PCDHGA11: variants seen among roughly 807,000 people sequenced by gnomAD.
PCDHGA11 encodes protocadherin gamma-A11.
In PCDHGA11, 39 loss-of-function variants were observed where a neutral mutation model predicts 60.4. The observed-to-expected ratio is 0.65, with a 90% confidence interval of 0.50 to 0.84. The LOEUF (loss-of-function observed/expected upper bound fraction) is 0.84. Ranked by LOEUF, PCDHGA11 falls within the 40% of genes least tolerant of loss-of-function variation. The pLI is 0.00. For missense variants in PCDHGA11, 1,165 were observed against 1,197.7 expected (o/e 0.97, Z 0.40); for synonymous variants, 533 against 510.3 (o/e 1.04, Z -0.60).
At chr5:141,427,550 C>T (rs1310933864) in intron 1 of PCDHGA11, 1 of 643,730 alleles carries the variant, frequency 1.6e-6, no homozygotes, top group East Asian at 3.2e-5. Context: ...CCATCACTGC[C>T]ACTGACAAGG....
intron 1 of PCDHGA11, chr5:141,441,678 G>A (rs952726158): frequency 3.4e-6 from 1 of 292,424 alleles, no homozygotes; most frequent in Non-Finnish European, 6.7e-6. Flanking sequence ...GTGCGCCTTC[G>A]ACCAAGAGCA....
Position 141,490,732 on chromosome 5 carries a change from G to A in PCDHGA11, c.2434-4075G>A, listed in dbSNP as rs775388969. 6.2e-6 allele frequency: 10 copies of A among 1,614,188 alleles called. No homozygotes were observed. The highest frequency in any genetic ancestry group is 8.5e-6 in the Non-Finnish European group (10 of 1,180,042). ...CACCTACTCCATTGTAGGAAATCAG[G>A]TTCAGGGAGCCCCAGCCTCCTCCTT... On this transcript the variant is annotated intron_variant, in intron 1 of 3. Transcript: ENST00000398587. This position sits in a 1 kb window ranked among gnomAD's most constrained non-coding sequence, Gnocchi z 5.4.
chr5:141,491,666 G>A lies in PCDHGA11; in HGVS notation c.2434-3141G>A, dbSNP rs373526771. 9.4e-5 allele frequency: 152 copies of A among 1,613,614 alleles called. No homozygotes were observed. The highest frequency in any genetic ancestry group is 1.2e-4 in the Non-Finnish European group (142 of 1,180,016). The stretch of plus-strand genomic sequence containing the variant: ...CTGGCGCTGGAGCCTGACGCCATCC[G>A]GTCCCGCTCTAATACGCTGCGGGAG... On this transcript the variant is annotated intron_variant, in intron 1 of 3. Coordinates refer to ENST00000398587, the MANE Select transcript of PCDHGA11 (RefSeq NM_018914.3). This position sits in a 1 kb window ranked among gnomAD's most constrained non-coding sequence, Gnocchi z 6.9.
intron 1 of PCDHGA11, among the ~76,000 whole-genome samples, chr5:141,448,287 C>G (rs1394399947): frequency 6.6e-6 from 1 of 152,130 alleles, no homozygotes; most frequent in Non-Finnish European, 1.5e-5. Flanking sequence ...GCAACTTGCT[C>G]TTTCCACTTA....
chr5:141,438,613 TATATATATATATATATATATATAC>T (rs1240061633), intron 1 of PCDHGA11, among the ~76,000 whole-genome samples: 627 of 36,484 alleles, frequency 0.017, 21 homozygotes, highest in African/African-American at 0.051. Flanking sequence ...TATATATATA[TATATATATATATATATATATATAC>T]ACACACACAC....
In PCDHGA11 at chr5:141,432,510, C is replaced by A; in HGVS notation, c.2433+8850C>A. 1 of 1,614,140 alleles carries A rather than the reference C, an allele frequency of 6.2e-7. No homozygotes were observed. The highest frequency in any genetic ancestry group is 8.5e-7 in the Non-Finnish European group (1 of 1,180,042). On this transcript the variant is annotated intron_variant, in intron 1 of 3. Coordinates refer to ENST00000398587, the MANE Select transcript of PCDHGA11 (RefSeq NM_018914.3). The surrounding 1 kb of genome is among the most constrained non-coding windows in gnomAD (Gnocchi z 6.0). ...GAGCTGGCTCCCCGCTCCGCAGAGCCCGGCTACCTGGTGACCAAGGTGGTG... is the reference window on the plus strand; with the variant it reads ...GAGCTGGCTCCCCGCTCCGCAGAGCACGGCTACCTGGTGACCAAGGTGGTG...
rs2096608692 is a variant in PCDHGA11, at chr5:141,421,885, G to A, written c.658G>A (p.Asp220Asn). 6.2e-7 allele frequency: 1 copy of A among 1,613,574 alleles called. No individual in the cohort carries two copies. Among genetic ancestry groups the A allele is most frequent in the African/African-American group, 1.3e-5 (1 of 74,904 alleles). The change falls in exon 1 of 4, where the codon GAT becomes AAT. Residue 220 changes from aspartate (D) to asparagine (N), a missense_variant. Coordinates refer to ENST00000398587, the MANE Select transcript of PCDHGA11 (RefSeq NM_018914.3). ...CCTCCTCACAGCTTTAGATGGAGGC[G>A]ATCCCATCCGAAAGGGCGCAGTTCC... ...LLLLTALDGG[D>N]PIRKGAVPIR...
Position 141,489,119 on chromosome 5 carries a change from C to T in PCDHGA11, c.2434-5688C>T, listed in dbSNP as rs1236074950. The T allele has an allele frequency of 2.0e-5, 13 of 650,240 alleles. No individual in the cohort carries two copies. Among genetic ancestry groups the T allele is most frequent in the African/African-American group, 9.1e-5 (5 of 55,178 alleles). 40.3% of individuals were successfully genotyped at this position (650,240 alleles called of 1,614,324 possible). ...GAACTGCTGCAAGCAGGCAAACCTC[C>T]GAGCAGTTTTTAAGAGGCTGGAAGG... On this transcript the variant is annotated intron_variant, in intron 1 of 3. Coordinates refer to ENST00000398587, the MANE Select transcript of PCDHGA11 (RefSeq NM_018914.3). This position sits in a 1 kb window ranked among gnomAD's most constrained non-coding sequence, Gnocchi z 4.5.
chr5:141,428,052 G>A (rs750852525), intron 1 of PCDHGA11: 6 of 1,608,992 alleles, frequency 3.7e-6, no homozygotes, highest in East Asian at 4.5e-5. Context: ...GACCAAGGTG[G>A]TGGCGGTGGA....
intron 1 of PCDHGA11, among the ~76,000 whole-genome samples, chr5:141,494,512 C>T (rs2154591503): frequency 6.6e-6 from 1 of 152,276 alleles, no homozygotes; most frequent in Middle Eastern, 3.4e-3. Context: ...AATTTTGGCT[C>T]AGGAGTTCTG....
At chr5:141,499,606 C>T (rs2099792968) in intron 2 of PCDHGA11, among the ~76,000 whole-genome samples, 1 of 152,028 alleles carries the variant, frequency 6.6e-6, no homozygotes, top group African/African-American at 2.4e-5. Context: ...TATCCCTACC[C>T]TTATCCTGTC....
chr5:141,428,043 A>C (rs765740380), intron 1 of PCDHGA11: 1 of 1,608,722 alleles, frequency 6.2e-7, no homozygotes, highest in South Asian at 1.1e-5. Context: ...CTACCTGGTG[A>C]CCAAGGTGGT....
chr5:141,505,520 C>T, intron 3 of PCDHGA11, 39 bp downstream of exon 3: 1 of 1,612,650 alleles, frequency 6.2e-7, no homozygotes, highest in Non-Finnish European at 8.5e-7. Flanking sequence ...AGTGGGAGAC[C>T]TGGGGTTCTG....
chr5:141,428,251 T>G, intron 1 of PCDHGA11: 2 of 893,496 alleles, frequency 2.2e-6, no homozygotes, highest in Non-Finnish European at 3.6e-6. Context: ...ACTGCCAGAC[T>G]TCAGTGACAG....
At position 141,421,154 on chromosome 5, in the gene PCDHGA11, G is replaced by A; in HGVS notation, c.-74G>A. ...TATATTTTGGATGTAGTCGGCCTAG[G>A]ACTTCATAGATACATAAGCCGATTC... On this transcript the variant is annotated 5_prime_UTR_variant, in exon 1 of 4. Transcript: ENST00000398587. 8.7e-7 allele frequency: 1 copy of A among 1,151,318 alleles called. No homozygotes were observed. Among genetic ancestry groups the A allele is most frequent in the South Asian group, 1.6e-5 (1 of 62,962 alleles). The allele number at this position is 1,151,318 out of a possible 1,614,324, so 71.3% of individuals were successfully genotyped here. A position where few individuals can be genotyped will look rare whatever the true frequency, so the allele number is the denominator to read the frequency against.
In PCDHGA11 at chr5:141,477,428, T is replaced by C; in HGVS notation, c.2434-17379T>C. On this transcript the variant is annotated intron_variant, in intron 1 of 3. Transcript: ENST00000398587. The surrounding 1 kb of genome is among the most constrained non-coding windows in gnomAD (Gnocchi z 4.9). ...CCGAGACGCCGGAACCCCTTCCCTC[T>C]CAGCCCTTACAATAGTGCGTGTTCA... The C allele has an allele frequency of 6.2e-7, 1 of 1,614,142 alleles. No individual in the cohort carries two copies. Among genetic ancestry groups the C allele is most frequent in the Non-Finnish European group, 8.5e-7 (1 of 1,180,036 alleles).
At chr5:141,466,827 T>C (rs1414741980) in intron 1 of PCDHGA11, among the ~76,000 whole-genome samples, 1 of 152,194 alleles carries the variant, frequency 6.6e-6, no homozygotes, top group Admixed American at 6.5e-5. Context: ...AACAAGTTAG[T>C]ATGGGTTTAT....
Position 141,486,486 on chromosome 5 carries a change from A to G in PCDHGA11, c.2434-8321A>G. The G allele has an allele frequency of 6.2e-7, 1 of 1,614,056 alleles. No individual in the cohort carries two copies. Among genetic ancestry groups the G allele is most frequent in the South Asian group, 1.1e-5 (1 of 91,084 alleles). ...GCTGGGAACCCTCCTCTCAGTACCC[A>G]CAGAACTATTTTCCTCAATATTTCA... On this transcript the variant is annotated intron_variant, in intron 1 of 3. Coordinates refer to ENST00000398587, the MANE Select transcript of PCDHGA11 (RefSeq NM_018914.3). The surrounding 1 kb of genome is among the most constrained non-coding windows in gnomAD (Gnocchi z 5.0).
intron 1 of PCDHGA11, chr5:141,478,419 G>A (rs2530208): frequency 3.7e-6 from 6 of 1,613,632 alleles, no homozygotes; most frequent in South Asian, 2.2e-5. Context: ...GACTCCCGCC[G>A]CAGCGACCCG....
Sources: allele counts gnomAD v4.1 joint callset (sites outside exome capture counted in the v4.1 genomes callset), GRCh38; gene constraint gnomAD v4.1.1; non-coding constraint Gnocchi (gnomAD v3.1); transcripts MANE v1.5; gene names NCBI Gene and HGNC (gene_info 2026-07-23, HGNC 2026-07-21).